The following SLC36A1 variants were observed in gnomAD, a reference collection of about 807,000 sequenced individuals.
The protein encoded by SLC36A1 is solute carrier family 36 member 1.
In SLC36A1, 30 loss-of-function variants were observed where a neutral mutation model predicts 47.5. The observed-to-expected ratio is 0.63, with a 90% CI of 0.47 to 0.86. SLC36A1 has a LOEUF of 0.86. Ranked by LOEUF, SLC36A1 falls within the 40% of genes least tolerant of loss-of-function variation. SLC36A1 has a pLI of 0.00. For synonymous variants in SLC36A1, 255 were observed against 249.7 expected (o/e 1.02, Z -0.20); for missense variants, 517 against 606.0 (o/e 0.85, Z 1.54).
intron 1 of SLC36A1, among the ~76,000 whole-genome samples, chr5:151,449,247 T>A (rs187866614): frequency 6.6e-6 from 1 of 152,358 alleles, no homozygotes; most frequent in East Asian, 1.9e-4. Context: ...CTGAAAATGA[T>A]TTTTAACTGT....
intron 10 of SLC36A1, among the ~76,000 whole-genome samples, chr5:151,483,517 T>TTGGG (rs1759099418): frequency 3.2e-5 from 4 of 126,242 alleles, no homozygotes; most frequent in Admixed American, 1.5e-4. Context: ...TTTGTGTGTG[T>TTGGG]GGGGGGGGTG....
the SLC36A1 span, among the ~76,000 whole-genome samples, chr5:151,395,253 A>C: frequency 6.6e-6 from 1 of 152,174 alleles, no homozygotes; most frequent in African/African-American, 2.4e-5. Context: ...AGACCATTGG[A>C]AAAGTGCAGT....
At chr5:151,426,856 T>G in the SLC36A1 span, among the ~76,000 whole-genome samples, 1 of 152,230 alleles carries the variant, frequency 6.6e-6, no homozygotes, top group Non-Finnish European at 1.5e-5. Flanking sequence ...GCAGCGCATT[T>G]TGTCCCTGGG....
the SLC36A1 span, among the ~76,000 whole-genome samples, chr5:151,525,313 C>T: frequency 2.0e-5 from 3 of 152,236 alleles, no homozygotes; most frequent in Non-Finnish European, 4.4e-5. Flanking sequence ...CCCCTACACA[C>T]ATGTGCATAC....
In SLC36A1 at chr5:151,441,475, G is replaced by A. The variant is rs77638910; in HGVS notation, c.-6+4296G>A. Reference sequence around the variant, plus strand: ...GGAGGAGACAAGTGGGTAGAAGGGGGAGAAATGAGAAAATTGTGAAGAGTA... The same window carrying A: ...GGAGGAGACAAGTGGGTAGAAGGGGAAGAAATGAGAAAATTGTGAAGAGTA... On this transcript the variant is annotated intron_variant, in intron 1 of 8. Coordinates refer to the SLC36A1 transcript ENST00000429484. Among the ~76,000 whole-genome samples the A allele has an allele frequency of 8.7e-3, 1,331 of 152,244 alleles. 15 individuals carry two copies. The highest frequency in any genetic ancestry group is 0.031 in the African/African-American group (1,279 of 41,538).
At chr5:151,412,681 G>A in the SLC36A1 span, 2 of 143,396 alleles carry the variant, frequency 1.4e-5, 1 homozygote, top group Non-Finnish European at 3.1e-5. Flanking sequence ...TGACATCCAC[G>A]GTGGGTGTGG....
At chr5:151,421,261 T>A in the SLC36A1 span, among the ~76,000 whole-genome samples, 13 of 150,732 alleles carry the variant, frequency 8.6e-5, no homozygotes, top group South Asian at 6.4e-4. Flanking sequence ...TCTTTTTTTT[T>A]TTCAAGGTCT....
At chr5:151,386,649 G>A in the SLC36A1 span, among the ~76,000 whole-genome samples, 1 of 151,864 alleles carries the variant, frequency 6.6e-6, no homozygotes, top group Admixed American at 6.6e-5. Context: ...CCAACAGATG[G>A]GCTTGTGCAA....
chr5:151,552,774 G>T, the SLC36A1 span, among the ~76,000 whole-genome samples: 1 of 152,190 alleles, frequency 6.6e-6, no homozygotes, highest in Non-Finnish European at 1.5e-5. Flanking sequence ...GTGAAACCTG[G>T]AGCCAAAACA....
chr5:151,382,107 A>G, the SLC36A1 span: 2 of 817,672 alleles, frequency 2.4e-6, no homozygotes, highest in Non-Finnish European at 4.2e-6. Flanking sequence ...AGTCATCCAC[A>G]TGGTGCTGAC....
chr5:151,528,099 C>T, the SLC36A1 span: 1 of 1,614,150 alleles, frequency 6.2e-7, no homozygotes, highest in Non-Finnish European at 8.5e-7. Flanking sequence ...GGTAATGTCA[C>T]TATTTAGGGG....
chr5:151,469,866 A>C (rs1224508968), intron 7 of SLC36A1, among the ~76,000 whole-genome samples: 2 of 152,024 alleles, frequency 1.3e-5, no homozygotes, highest in Non-Finnish European at 2.9e-5. Context: ...TCTCATTTTC[A>C]TACAGTCTGC....
chr5:151,468,425 TTATATATTGTGTATATATATACATAA>T, intron 7 of SLC36A1, among the ~76,000 whole-genome samples: 1 of 145,258 alleles, frequency 6.9e-6, no homozygotes, highest in African/African-American at 2.5e-5. Flanking sequence ...TATGTAATAT[TTATATATTGTGTATATATATACATAA>T]TATATATATG....
intron 2 of SLC36A1, 144 bp from the exon 3 acceptor site, chr5:151,463,409 C>T (rs1165224761): frequency 1.4e-6 from 1 of 690,864 alleles, no homozygotes; most frequent in Non-Finnish European, 2.5e-6. Context: ...GGTATGTGAC[C>T]TTGAGCAAAC....
chr5:151,349,875 T>C, the SLC36A1 span, among the ~76,000 whole-genome samples: 1 of 104,136 alleles, frequency 9.6e-6, no homozygotes, highest in African/African-American at 2.9e-5. Context: ...TGCCATGTTA[T>C]TTTTGCCAAG....
At chr5:151,543,042 C>A in the SLC36A1 span, 1 of 1,614,178 alleles carries the variant, frequency 6.2e-7, no homozygotes, top group Non-Finnish European at 8.5e-7. Flanking sequence ...AGAAAGTATA[C>A]AAAGGTTCAG....
At chr5:151,529,338 A>C in the SLC36A1 span, 2 of 1,614,164 alleles carry the variant, frequency 1.2e-6, no homozygotes, top group Non-Finnish European at 1.7e-6. Flanking sequence ...CTCAATGGAC[A>C]GGAAGTACTT....
At chr5:151,515,627 C>T in the SLC36A1 span, among the ~76,000 whole-genome samples, 1 of 152,218 alleles carries the variant, frequency 6.6e-6, no homozygotes, top group South Asian at 2.1e-4. Flanking sequence ...CACTACTTGC[C>T]TTCTCTCCCA....
chr5:151,467,137 C>A, intron 5 of SLC36A1, 62 bp from the exon 6 acceptor site: 1 of 1,327,126 alleles, frequency 7.5e-7, no homozygotes, highest in Non-Finnish European at 1.1e-6. Context: ...AACACCTCCC[C>A]TTCTGGGAGC....
Sources: allele counts gnomAD v4.1 joint callset (sites outside exome capture counted in the v4.1 genomes callset), GRCh38; gene constraint gnomAD v4.1.1; transcripts MANE v1.5; gene names NCBI Gene and HGNC (gene_info 2026-07-23, HGNC 2026-07-21).